Variants in NAALADL2 observed in about 807,000 individuals in gnomAD.
NAALADL2 encodes inactive N-acetylated-alpha-linked acidic dipeptidase-like protein 2.
A neutral mutation model predicts 87.2 loss-of-function variants in NAALADL2; 76 were observed. The ratio of observed to expected loss-of-function variants is 0.87; its 90% CI spans 0.72 to 1.05. The LOEUF is 1.05. Ranked by LOEUF, NAALADL2 falls within the 50% of genes least tolerant of loss-of-function variation. The pLI is 0.00. For synonymous variants in NAALADL2, 354 were observed against 331.0 expected, an observed-to-expected ratio of 1.07 and a Z score of -0.75; for missense variants, 1,089 against 945.8, an observed-to-expected ratio of 1.15 and a Z score of -1.99.
intron 4 of NAALADL2, among the ~76,000 whole-genome samples, chr3:175,316,633 A>G (rs573549297): frequency 6.6e-6 from 1 of 152,182 alleles, no homozygotes; most frequent in South Asian, 2.1e-4. Flanking sequence ...CCAAGGGACA[A>G]TCTGCCACCA....
intron 3 of NAALADL2, among the ~76,000 whole-genome samples, chr3:174,763,747 A>G (rs1713401738): frequency 6.6e-6 from 1 of 151,038 alleles, no homozygotes; most frequent in African/African-American, 2.4e-5. Flanking sequence ...AGAGTTGTAG[A>G]GTGAAATGAT....
chr3:174,491,786 A>G (rs1360659419), intron 1 of NAALADL2, among the ~76,000 whole-genome samples: 2 of 152,202 alleles, frequency 1.3e-5, no homozygotes, highest in Non-Finnish European at 2.9e-5. Context: ...ATCATTGTCT[A>G]TCAACGTTTT....
chr3:174,885,209 GT>G (rs1287368711), intron 1 of NAALADL2, among the ~76,000 whole-genome samples: 1 of 152,128 alleles, frequency 6.6e-6, no homozygotes, highest in South Asian at 2.1e-4. Flanking sequence ...TGGTGAGGCT[GT>G]GCATGCACCT....
intron 2 of NAALADL2, among the ~76,000 whole-genome samples, chr3:174,556,319 A>C (rs550815400): frequency 6.6e-6 from 1 of 152,244 alleles, no homozygotes; most frequent in East Asian, 1.9e-4. Context: ...GATATCTAGG[A>C]GACTGATGCT....
At chr3:174,613,698 C>T (rs533709745) in intron 2 of NAALADL2, among the ~76,000 whole-genome samples, 1 of 152,148 alleles carries the variant, frequency 6.6e-6, no homozygotes, top group Non-Finnish European at 1.5e-5. Flanking sequence ...CTTTCTGGTC[C>T]AGGGCAGGTT....
intron 1 of NAALADL2, 122 bp downstream of exon 1, chr3:174,859,572 C>A (rs896822873): frequency 5.6e-6 from 4 of 712,118 alleles, no homozygotes; most frequent in African/African-American, 3.6e-5. Flanking sequence ...TGTTCAGGTG[C>A]CCTGGCCCTG....
chr3:174,767,132 G>T (rs1434789585), intron 3 of NAALADL2, among the ~76,000 whole-genome samples: 1 of 152,122 alleles, frequency 6.6e-6, no homozygotes, highest in Non-Finnish European at 1.5e-5. Context: ...GTTTTCTGAG[G>T]GATTTGGTTG....
chr3:175,680,903 C>A (rs546808616), intron 11 of NAALADL2, among the ~76,000 whole-genome samples: 1 of 152,040 alleles, frequency 6.6e-6, no homozygotes, highest in African/African-American at 2.4e-5. Flanking sequence ...TCAAGAGGTG[C>A]GGAGATCGGC....
intron 3 of NAALADL2, among the ~76,000 whole-genome samples, chr3:174,808,685 GAA>G (rs1719791025): frequency 6.6e-6 from 1 of 152,062 alleles, no homozygotes; most frequent in Non-Finnish European, 1.5e-5. Flanking sequence ...CCCCTAGAGA[GAA>G]AAGTGTCTTG....
chr3:175,338,540 C>T (rs1762229616), intron 5 of NAALADL2, among the ~76,000 whole-genome samples: 1 of 142,932 alleles, frequency 7.0e-6, no homozygotes, highest in Non-Finnish European at 1.5e-5. Context: ...GCAACAGAGG[C>T]ACCAGGAAGG....
chr3:174,595,122 C>T (rs1263669135), intron 2 of NAALADL2, among the ~76,000 whole-genome samples: 1 of 152,034 alleles, frequency 6.6e-6, no homozygotes, highest in Non-Finnish European at 1.5e-5. Context: ...TTCTAGCTAC[C>T]CATATTCAGT....
chr3:174,997,030 G>A (rs867180567), intron 1 of NAALADL2, among the ~76,000 whole-genome samples: 3 of 110,720 alleles, frequency 2.7e-5, no homozygotes, highest in East Asian at 7.6e-4. Flanking sequence ...GTGTGTGTGT[G>A]TGTGTGTGTA....
intron 2 of NAALADL2, among the ~76,000 whole-genome samples, chr3:175,126,492 T>A (rs1726973929): frequency 6.6e-6 from 1 of 152,100 alleles, no homozygotes; most frequent in Non-Finnish European, 1.5e-5. Context: ...ACTGAACAAT[T>A]CCATTTTTAA....
chr3:175,319,181 T>C (rs966793617), intron 4 of NAALADL2, among the ~76,000 whole-genome samples: 37 of 152,222 alleles, frequency 2.4e-4, no homozygotes, highest in African/African-American at 8.4e-4. Flanking sequence ...TCCCCATTTC[T>C]CCTTAAATTC....
At chr3:175,677,056 G>C (rs1292037980) in intron 11 of NAALADL2, among the ~76,000 whole-genome samples, 2 of 152,074 alleles carry the variant, frequency 1.3e-5, no homozygotes. Context: ...GAAGGGGCCT[G>C]TCTGTTGCCT....
chr3:175,140,524 C>T (rs1729837329), intron 2 of NAALADL2, among the ~76,000 whole-genome samples: 1 of 151,888 alleles, frequency 6.6e-6, no homozygotes, highest in South Asian at 2.1e-4. Context: ...GGACTGAGAT[C>T]CAAAAAACAA....
At chr3:174,916,252 T>G (rs1734371820) in intron 1 of NAALADL2, among the ~76,000 whole-genome samples, 1 of 152,060 alleles carries the variant, frequency 6.6e-6, no homozygotes, top group Admixed American at 6.6e-5. Context: ...GGGAACACAT[T>G]AATACTGTGG....
At chr3:175,199,864 A>ATATATATATTTT (rs1560154077) in intron 2 of NAALADL2, among the ~76,000 whole-genome samples, 1 of 13,052 alleles carries the variant, frequency 7.7e-5, no homozygotes, top group Non-Finnish European at 1.4e-4. Context: ...ATATATATAT[A>ATATATATATTTT]TTTTTTTTTT....
At chr3:174,599,443 A>T (rs1452511125) in intron 2 of NAALADL2, among the ~76,000 whole-genome samples, 1 of 152,130 alleles carries the variant, frequency 6.6e-6, no homozygotes, top group African/African-American at 2.4e-5. Context: ...TACAAAAGAC[A>T]TAAATATGGG....
Sources: allele counts gnomAD v4.1 joint callset (sites outside exome capture counted in the v4.1 genomes callset), GRCh38; gene constraint gnomAD v4.1.1; transcripts MANE v1.5; gene names NCBI Gene and HGNC (gene_info 2026-07-23, HGNC 2026-07-21).